The following FBXO42 variants were observed in gnomAD, a reference collection of about 807,000 sequenced individuals.
The protein encoded by FBXO42 is F-box only protein 42.
A neutral mutation model predicts 71.7 loss-of-function variants in FBXO42; 12 were observed. The observed-to-expected ratio is 0.17, with a 90% CI of 0.11 to 0.27. FBXO42 has a LOEUF of 0.27. FBXO42 is among the 10% of genes least tolerant of loss of function. FBXO42 has a pLI of 1.00. For synonymous variants in FBXO42, 325 were observed against 327.5 expected, an observed-to-expected ratio of 0.99 and a Z score of 0.08; for missense variants, 707 against 911.9, an observed-to-expected ratio of 0.78 and a Z score of 2.89.
rs781594371 is a variant in FBXO42 at position 16,285,145 on chromosome 1, A to AAAAC, written c.502+9634_502+9637dup. 5.9e-5 allele frequency among the ~76,000 whole-genome samples: 9 copies of AAAAC among 152,104 alleles called. No individual in the cohort carries two copies. In the East Asian group the frequency reaches 7.7e-4, roughly 13 times the overall value. On this transcript the variant is annotated intron_variant, in intron 4 of 9. Coordinates refer to ENST00000375592, the MANE Select transcript of FBXO42 (RefSeq NM_018994.3). The stretch of plus-strand genomic sequence containing the variant: ...CCGCGACACTGCAAGACTCATCTCA[A>AAAAC]AAACAAACAAACAAACAAAAAACAC...
At chr1:16,298,510 GTTAT>G (rs1355420573) in intron 3 of FBXO42, among the ~76,000 whole-genome samples, 1 of 151,922 alleles carries the variant, frequency 6.6e-6, no homozygotes, top group Non-Finnish European at 1.5e-5. Flanking sequence ...TGTCCTATGA[GTTAT>G]TTATTTATTT....
In FBXO42 at chr1:16,338,396, CATCTT is replaced by C. The variant is rs541266680; in HGVS notation, c.-18+13854_-18+13858del. 4.8e-3 allele frequency among the ~76,000 whole-genome samples: 705 copies of C among 147,784 alleles called. 9 individuals carry two copies. The highest frequency in any genetic ancestry group is 0.017 in the African/African-American group (673 of 40,304). On this transcript the variant is annotated intron_variant, in intron 1 of 9. Transcript: ENST00000375592. ...AAAAAAGAATAACAATGTTGCATGA[CATCTT>C]GTCTTGGATACAGACTTTCACTTTC...
Position 16,251,061 on chromosome 1 carries a change from G to A in FBXO42, c.1763C>T (p.Pro588Leu). The A allele has an allele frequency of 3.1e-6, 5 of 1,614,222 alleles. No individual in the cohort carries two copies. The highest frequency in any genetic ancestry group is 4.2e-6 in the Non-Finnish European group (5 of 1,180,040). ...SPPLGSSPGS[P>L]GSQSLSSGET... ...TCCACTGCTCAAACTCTGGCTCCCA[G>A]GAGAGCCTGGAGAAGACCCAAGAGG... Residue 588 changes from proline (P) to leucine (L), a missense_variant, in exon 10 of 10, where the codon CCT becomes CTT. By Grantham distance (98) the Pro-to-Leu change is moderately conservative. Around this residue, in one of 5 missense-constraint regions of FBXO42, gnomAD observed 482 missense variants for 587.1 expected, o/e 0.82. Transcript: ENST00000375592. This position sits in a 1 kb window ranked among gnomAD's most constrained non-coding sequence, Gnocchi z 4.5.
intron 1 of FBXO42, among the ~76,000 whole-genome samples, chr1:16,350,763 A>C (rs1284846759): frequency 2.1e-5 from 3 of 141,892 alleles, no homozygotes; most frequent in East Asian, 3.9e-4. Context: ...AAAAAAAAGA[A>C]AGAAAGAAAG....
Position 16,315,430 on chromosome 1 carries a change from C to T in FBXO42, c.-12G>A, listed in dbSNP as rs2082354876. ...GAGGAGCTGGCCATGACATTCCACT[C>T]AACAGCTGTAATAGGTAAAACATAA... On this transcript the variant is annotated 5_prime_UTR_variant, in exon 2 of 10. Coordinates refer to ENST00000375592, the MANE Select transcript of FBXO42 (RefSeq NM_018994.3). 6.2e-7 allele frequency: 1 copy of T among 1,612,970 alleles called. No individual in the cohort carries two copies.
At chr1:16,289,662 G>C (rs999166339) in intron 4 of FBXO42, among the ~76,000 whole-genome samples, 1 of 152,030 alleles carries the variant, frequency 6.6e-6, no homozygotes, top group African/African-American at 2.4e-5. Flanking sequence ...TTAGGTCTCA[G>C]CCAAAAACAA....
chr1:16,339,840 A>T (rs1288989612), intron 1 of FBXO42, among the ~76,000 whole-genome samples: 1 of 152,206 alleles, frequency 6.6e-6, no homozygotes, highest in East Asian at 1.9e-4. Context: ...CTGTAGTCCC[A>T]GCTACTTGTG....
At chr1:16,349,224 G>A (rs1210543805) in intron 1 of FBXO42, among the ~76,000 whole-genome samples, 1 of 152,072 alleles carries the variant, frequency 6.6e-6, no homozygotes, top group Non-Finnish European at 1.5e-5. Flanking sequence ...GGAAAGGTTG[G>A]GGAAAAGCCA....
chr1:16,269,277 T>G (rs2081812999), intron 4 of FBXO42, among the ~76,000 whole-genome samples: 1 of 148,242 alleles, frequency 6.7e-6, no homozygotes, highest in South Asian at 2.1e-4. Flanking sequence ...TTAGTAGAGA[T>G]GAGGTTTTGT....
intron 1 of FBXO42, among the ~76,000 whole-genome samples, chr1:16,325,244 A>G (rs2082440547): frequency 6.6e-6 from 1 of 152,164 alleles, no homozygotes; most frequent in Non-Finnish European, 1.5e-5. Flanking sequence ...TCCCAAAACA[A>G]CAACAACAAA....
rs574631359 is a variant in FBXO42, at chr1:16,251,237, G to T, written c.1587C>A (p.His529Gln). 1.9e-6 allele frequency: 3 copies of T among 1,614,162 alleles called. No individual in the cohort carries two copies. The Admixed American group carries it at 5.0e-5, about 27-fold the overall frequency. ...GCACACCATTTGTCTGTTCAGGAGG[G>T]TGTCTCATACTTCCCCCAACTGTCC... ...DNRTVGGSMR[H>Q]PPEQTNGVHT... is the part of the protein sequence containing the mutation. The change falls in exon 10 of 10, where the codon CAC (histidine) becomes CAA (glutamine). Residue 529 changes from histidine (H) to glutamine (Q), a missense_variant. This residue lies in a region of FBXO42 where 482 missense variants were observed against 587.1 expected (regional missense o/e 0.82). Transcript: ENST00000375592. The surrounding 1 kb of genome is among the most constrained non-coding windows in gnomAD (Gnocchi z 4.5).
intron 1 of FBXO42, among the ~76,000 whole-genome samples, chr1:16,333,752 G>C (rs2100614554): frequency 6.6e-6 from 1 of 152,270 alleles, no homozygotes; most frequent in South Asian, 2.1e-4. Flanking sequence ...GTGGTGTCCA[G>C]AAATGTGAAA....
intron 1 of FBXO42, among the ~76,000 whole-genome samples, chr1:16,336,180 T>C (rs1019126692): frequency 1.3e-5 from 2 of 151,240 alleles, no homozygotes; most frequent in Non-Finnish European, 3.0e-5. Context: ...TCAGGTGACC[T>C]GCCTACCTCA....
At chr1:16,329,095 G>A (rs567238327) in intron 1 of FBXO42, among the ~76,000 whole-genome samples, 46 of 149,996 alleles carry the variant, frequency 3.1e-4, no homozygotes, top group Admixed American at 2.0e-4. Context: ...CCCAGGAGGC[G>A]GAGGTTGCAG....
intron 1 of FBXO42, among the ~76,000 whole-genome samples, chr1:16,338,583 A>T (rs547942304): frequency 1.3e-5 from 2 of 152,134 alleles, no homozygotes; most frequent in Admixed American, 1.3e-4. Flanking sequence ...ATTATTCTGC[A>T]GTCTCCAGGA....
chr1:16,307,692 T>C (rs918702439), intron 2 of FBXO42, among the ~76,000 whole-genome samples: 19 of 152,048 alleles, frequency 1.2e-4, no homozygotes, highest in Admixed American at 1.1e-3. Flanking sequence ...AAAACACATA[T>C]ACATTCGCAC....
At chr1:16,253,787 G>T in intron 6 of FBXO42, 56 bp from the exon 7 acceptor site, 2 of 1,517,134 alleles carry the variant, frequency 1.3e-6, no homozygotes, top group South Asian at 1.1e-5. Flanking sequence ...GGACCATAAT[G>T]GTGGCTGGGG....
intron 1 of FBXO42, among the ~76,000 whole-genome samples, chr1:16,346,288 G>GA: frequency 6.6e-6 from 1 of 152,178 alleles, no homozygotes; most frequent in East Asian, 1.9e-4. Context: ...TAAAACAACT[G>GA]AAAGTATCCT....
In FBXO42 at chr1:16,251,929, C is replaced by A; in HGVS notation, c.1039-144G>T. The A allele has an allele frequency of 9.2e-7, 1 of 1,082,546 alleles. No individual in the cohort carries two copies. Among genetic ancestry groups the A allele is most frequent in the East Asian group, 2.5e-5 (1 of 39,486 alleles). The allele number at this position is 1,082,546 out of a possible 1,614,324, so 67.1% of individuals were successfully genotyped here. ...TGAAGATGAAAATGATGTAGTCTGC[C>A]CTCTAGGCTAGAAGTCAGACATGGG... On this transcript the variant is annotated intron_variant, in intron 9 of 9. Transcript: ENST00000375592. This position sits in a 1 kb window ranked among gnomAD's most constrained non-coding sequence, Gnocchi z 4.5.
Sources: gnomAD v4.1 joint callset for allele counts (sites outside exome capture counted in the v4.1 genomes callset) on GRCh38, gnomAD v4.1.1 for gene constraint, gnomAD v4.1.1 regional missense constraint, Gnocchi (gnomAD v3.1) non-coding constraint, MANE v1.5 for transcripts, NCBI Gene and HGNC (gene_info 2026-07-23, HGNC 2026-07-21) for gene names.